DPYSL3: variants seen among roughly 807,000 people sequenced by gnomAD.
DPYSL3 encodes dihydropyrimidinase-related protein 3.
A neutral mutation model predicts 66.1 loss-of-function variants in DPYSL3; 16 were observed. The ratio of observed to expected loss-of-function variants is 0.24; its 90% CI spans 0.16 to 0.37. DPYSL3 has a LOEUF of 0.37. Among genes scored for constraint, DPYSL3 ranks in the 10% least tolerant of loss-of-function variants. The pLI is 1.00. For synonymous variants in DPYSL3, 338 were observed against 345.1 expected, an observed-to-expected ratio of 0.98 and a Z score of 0.23; for missense variants, 738 against 916.2, an observed-to-expected ratio of 0.81 and a Z score of 2.51.
At chr5:147,421,329 G>A (rs1752072381) in intron 2 of DPYSL3, among the ~76,000 whole-genome samples, 1 of 152,084 alleles carries the variant, frequency 6.6e-6, no homozygotes, top group Non-Finnish European at 1.5e-5. Context: ...ACCTCTTCAA[G>A]GAGAACTATA....
At chr5:147,476,193 A>G (rs900370757) in intron 1 of DPYSL3, among the ~76,000 whole-genome samples, 1 of 152,178 alleles carries the variant, frequency 6.6e-6, no homozygotes. Context: ...AAAGTGAATT[A>G]ACTTATAATT....
chr5:147,402,176 T>C (rs1219197797), intron 8 of DPYSL3, among the ~76,000 whole-genome samples: 1 of 152,122 alleles, frequency 6.6e-6, no homozygotes, highest in Non-Finnish European at 1.5e-5. Context: ...ACCTAGAGGA[T>C]GTTTGGTAAA....
chr5:147,450,309 C>T (rs1293641632), intron 1 of DPYSL3, among the ~76,000 whole-genome samples: 1 of 152,096 alleles, frequency 6.6e-6, no homozygotes, highest in Non-Finnish European at 1.5e-5. Flanking sequence ...ACAAAATAAA[C>T]ACTCAACAGG....
intron 1 of DPYSL3, among the ~76,000 whole-genome samples, chr5:147,491,693 A>T (rs934663939): frequency 1.3e-5 from 2 of 152,130 alleles, no homozygotes; most frequent in African/African-American, 4.8e-5. Context: ...GAGCTGAGAA[A>T]ATAATGTCTG....
At chr5:147,468,095 C>T (rs1035098662) in intron 1 of DPYSL3, among the ~76,000 whole-genome samples, 2 of 152,172 alleles carry the variant, frequency 1.3e-5, no homozygotes, top group African/African-American at 2.4e-5. Flanking sequence ...CCAACACCAA[C>T]ATTTGGACCA....
Position 147,393,907 on chromosome 5 carries a change from G to T in DPYSL3, c.*128C>A. 2 of 918,916 alleles carry T rather than the reference G, an allele frequency of 2.2e-6. No individual in the cohort carries two copies. The highest frequency in any genetic ancestry group is 2.4e-5 in the Admixed American group (1 of 41,726). The allele number at this position is 918,916 out of a possible 1,614,324, so 56.9% of individuals were successfully genotyped here. ...GAGCGTAACATTGGAGAAACATAAGGCTTGAGGCTTATTGATTCTTTAGAT... is the reference window on the plus strand; with the variant it reads ...GAGCGTAACATTGGAGAAACATAAGTCTTGAGGCTTATTGATTCTTTAGAT... On this transcript the variant is annotated 3_prime_UTR_variant, in exon 14 of 14. Transcript: ENST00000343218.
chr5:147,448,301 A>G (rs1752666872), intron 1 of DPYSL3, among the ~76,000 whole-genome samples: 1 of 152,188 alleles, frequency 6.6e-6, no homozygotes. Context: ...AGGTTAAGGG[A>G]GAGTCTCTGT....
rs2126467702 is a variant in DPYSL3 at position 147,509,006 on chromosome 5, C to G, written c.381+472G>C. Among the ~76,000 whole-genome samples the G allele has an allele frequency of 6.6e-6, 1 of 152,286 alleles. No homozygotes were observed. The highest frequency in any genetic ancestry group is 1.9e-4 in the East Asian group (1 of 5,160). On this transcript the variant is annotated intron_variant, in intron 1 of 13. Coordinates refer to ENST00000343218, the MANE Select transcript of DPYSL3 (RefSeq NM_001197294.2). This position sits in a 1 kb window ranked among gnomAD's most constrained non-coding sequence, Gnocchi z 5.3. ...GAGAGGGGAGACCGCCCCTCCAGTA[C>G]TTTCATCCGGGCACTATGGAGATGA... is the stretch of plus-strand genomic sequence containing the variant.
intron 1 of DPYSL3, among the ~76,000 whole-genome samples, chr5:147,479,097 A>G (rs1206361140): frequency 6.6e-6 from 1 of 152,234 alleles, no homozygotes; most frequent in East Asian, 1.9e-4. Flanking sequence ...GTAGACAGGC[A>G]GTAATAGTAG....
intron 2 of DPYSL3, among the ~76,000 whole-genome samples, chr5:147,424,189 T>C (rs950860958): frequency 9.2e-5 from 14 of 152,274 alleles, no homozygotes; most frequent in Admixed American, 6.5e-4. Flanking sequence ...AGTTAAGTCA[T>C]ATAAAAATAA....
At chr5:147,476,843 T>G (rs1179911997) in intron 1 of DPYSL3, among the ~76,000 whole-genome samples, 2 of 152,198 alleles carry the variant, frequency 1.3e-5, no homozygotes, top group Non-Finnish European at 2.9e-5. Flanking sequence ...ACATGAACAA[T>G]GTTCATTGCA....
Position 147,399,184 on chromosome 5 carries a change from G to A in DPYSL3, c.1521C>T (p.Asn507=), listed in dbSNP as rs201914504. ...VTSTNAAKIF[N]LYPRKGRISV... ...ATATTCTTCCCTTGCGGGGATACAG[G>A]TTGAAGATCTTGGCAGCGTTTGTGC... The change falls in exon 11 of 14, where the codon AAC becomes AAT. Residue 507 remains asparagine (N), a synonymous_variant. Transcript: ENST00000343218. 3 of 1,614,228 alleles carry A rather than the reference G, an allele frequency of 1.9e-6. No homozygotes were observed. The highest frequency in any genetic ancestry group is 2.5e-6 in the Non-Finnish European group (3 of 1,180,056).
At chr5:147,428,726 G>A (rs184097320) in intron 1 of DPYSL3, among the ~76,000 whole-genome samples, 2 of 136,348 alleles carry the variant, frequency 1.5e-5, no homozygotes, top group Non-Finnish European at 2.9e-5. Context: ...CACAGGAATA[G>A]AAAATCAAAC....
In DPYSL3 at chr5:147,488,718, A is replaced by G. The variant is rs530057252; in HGVS notation, c.381+20760T>C. ...GTGACAGAGTGAGGCCCTTCTCAAAAGAAAAAAATATATTGGCCAGGAGCA... is the reference window on the plus strand; with the variant it reads ...GTGACAGAGTGAGGCCCTTCTCAAAGGAAAAAAATATATTGGCCAGGAGCA... On this transcript the variant is annotated intron_variant, in intron 1 of 13. Coordinates refer to ENST00000343218, the MANE Select transcript of DPYSL3 (RefSeq NM_001197294.2). Among the ~76,000 whole-genome samples the G allele has an allele frequency of 5.3e-5, 8 of 152,208 alleles. No individual in the cohort carries two copies. The East Asian group carries it at 1.6e-3, about 30-fold the overall frequency.
rs140311651 is a variant in DPYSL3 at position 147,461,644 on chromosome 5, G to T, written c.382-36681C>A. ...TGTAAAGTGGGAAGGGAGACTGGCA[G>T]ATACAAGTTCCCAATTGACATTGAT... On this transcript the variant is annotated intron_variant, in intron 1 of 13. Transcript: ENST00000343218. 2.0e-4 allele frequency among the ~76,000 whole-genome samples: 31 copies of T among 152,270 alleles called. No individual in the cohort carries two copies. In the South Asian group the frequency reaches 3.1e-3, roughly 15 times the overall value.
intron 1 of DPYSL3, among the ~76,000 whole-genome samples, chr5:147,443,781 T>A (rs1223328403): frequency 6.6e-6 from 1 of 152,084 alleles, no homozygotes; most frequent in Non-Finnish European, 1.5e-5. Context: ...TTAGGAAGAA[T>A]CCCTAATTGG....
chr5:147,440,545 C>G (rs1050148688), intron 1 of DPYSL3, among the ~76,000 whole-genome samples: 5 of 152,162 alleles, frequency 3.3e-5, no homozygotes, highest in Admixed American at 1.3e-4. Flanking sequence ...GTCTTCACGG[C>G]CCACGGCACA....
chr5:147,426,061 T>C (rs1752192253), intron 1 of DPYSL3, among the ~76,000 whole-genome samples: 1 of 152,068 alleles, frequency 6.6e-6, no homozygotes, highest in South Asian at 2.1e-4. Context: ...ATCCATTCAT[T>C]CCCAGGTCAT....
chr5:147,445,474 G>T lies in DPYSL3; in HGVS notation c.382-20511C>A, dbSNP rs1475952461. ...GATCTTCTCTCTTGAAATCATTCCT[G>T]TAGGTAAGTGTTAAATATATCCACT... is the stretch of plus-strand genomic sequence containing the variant. On this transcript the variant is annotated intron_variant, in intron 1 of 13. Coordinates refer to ENST00000343218, the MANE Select transcript of DPYSL3 (RefSeq NM_001197294.2). Among the ~76,000 whole-genome samples, 3 of 152,210 alleles carry T rather than the reference G, an allele frequency of 2.0e-5. No homozygotes were observed. In the East Asian group the frequency reaches 5.8e-4, roughly 29 times the overall value.
Sources: gnomAD v4.1 joint callset for allele counts (sites outside exome capture counted in the v4.1 genomes callset) on GRCh38, gnomAD v4.1.1 for gene constraint, Gnocchi (gnomAD v3.1) non-coding constraint, MANE v1.5 for transcripts, NCBI Gene and HGNC (gene_info 2026-07-23, HGNC 2026-07-21) for gene names.